PPP6R3: variants seen among roughly 807,000 people sequenced by gnomAD.
PPP6R3 encodes serine/threonine-protein phosphatase 6 regulatory subunit 3.
A neutral mutation model predicts 110.7 loss-of-function variants in PPP6R3; 38 were observed. That is an observed-to-expected ratio of 0.34 (90% CI 0.26 to 0.45). The LOEUF (loss-of-function observed/expected upper bound fraction) is 0.45. Ranked by LOEUF, PPP6R3 falls within the 20% of genes least tolerant of loss-of-function variation. PPP6R3 has a pLI of 1.00. For missense variants in PPP6R3, 870 were observed against 1,062.4 expected, an observed-to-expected ratio of 0.82 and a Z score of 2.52; for synonymous variants, 369 against 373.5, an observed-to-expected ratio of 0.99 and a Z score of 0.14.
chr11:68,537,609 T>A, intron 2 of PPP6R3, 50 bp from the exon 3 acceptor site: 1 of 1,246,960 alleles, frequency 8.0e-7, no homozygotes. Flanking sequence ...TTATGGAAAA[T>A]TAATTTGTAA....
intron 1 of PPP6R3, among the ~76,000 whole-genome samples, chr11:68,477,184 C>T (rs944175648): frequency 2.6e-5 from 4 of 152,054 alleles, no homozygotes; most frequent in South Asian, 2.1e-4. Flanking sequence ...TGAGGCTTTT[C>T]CATCTCTGTT....
At chr11:68,466,438 T>TC (rs1200032562) in intron 1 of PPP6R3, among the ~76,000 whole-genome samples, 3 of 148,936 alleles carry the variant, frequency 2.0e-5, no homozygotes, top group African/African-American at 7.4e-5. Context: ...ATTTTCTTTT[T>TC]TTTTTTTTTT....
intron 15 of PPP6R3, among the ~76,000 whole-genome samples, chr11:68,584,107 G>A (rs1364028347): frequency 6.6e-6 from 1 of 152,196 alleles, no homozygotes; most frequent in African/African-American, 2.4e-5. Context: ...TAGCATTTCA[G>A]CATTTGGCTG....
Position 68,514,736 on chromosome 11 carries a change from C to T in PPP6R3, c.-157-4765C>T, listed in dbSNP as rs551485705. Reference sequence around the variant, plus strand: ...AGTAGCTGGGATTACAGGTGTGCACCGCCACGCCCAGCTAATTTTTGTATT... The same window carrying T: ...AGTAGCTGGGATTACAGGTGTGCACTGCCACGCCCAGCTAATTTTTGTATT... On this transcript the variant is annotated intron_variant, in intron 1 of 23. Coordinates refer to ENST00000393800, the MANE Select transcript of PPP6R3 (RefSeq NM_001164161.2). 5.9e-5 allele frequency among the ~76,000 whole-genome samples: 9 copies of T among 152,148 alleles called. No individual in the cohort carries two copies. The South Asian group carries it at 6.2e-4, about 11-fold the overall frequency.
intron 1 of PPP6R3, among the ~76,000 whole-genome samples, chr11:68,477,432 C>T (rs1169173897): frequency 6.6e-6 from 1 of 151,788 alleles, no homozygotes; most frequent in Non-Finnish European, 1.5e-5. Context: ...GTATTAAATT[C>T]ATTTTCATCC....
At chr11:68,594,367 TTAA>T (rs1261554061) in intron 18 of PPP6R3, among the ~76,000 whole-genome samples, 1 of 119,382 alleles carries the variant, frequency 8.4e-6, no homozygotes, top group Non-Finnish European at 1.7e-5. Context: ...AGAGAGTGAG[TTAA>T]ATATGACTGG....
At chr11:68,509,748 T>TTG (rs2099098709) in intron 1 of PPP6R3, among the ~76,000 whole-genome samples, 1 of 135,740 alleles carries the variant, frequency 7.4e-6, no homozygotes, top group African/African-American at 2.9e-5. Flanking sequence ...TGGCTAATTT[T>TTG]TTTTTTTTTT....
At position 68,596,202 on chromosome 11, in the gene PPP6R3, G is replaced by A. The variant is rs776970667; in HGVS notation, c.2022G>A (p.Glu674=). ...GTGCCAACACGGAGGATAAAATGGA[G>A]GTGGACCTGAGTGAACGTAAGTGGA... The part of the protein sequence containing the change: ...PSSANTEDKM[E]VDLSEPPNWS... Residue 674 remains glutamate (E), a synonymous_variant, in exon 19 of 24, where the codon GAG becomes GAA. Transcript: ENST00000393800. 1 of 1,614,216 alleles carries A rather than the reference G, an allele frequency of 6.2e-7. No individual in the cohort carries two copies. The highest frequency in any genetic ancestry group is 8.5e-7 in the Non-Finnish European group (1 of 1,180,032).
At chr11:68,591,210 C>T (rs2099594279) in intron 17 of PPP6R3, among the ~76,000 whole-genome samples, 1 of 152,122 alleles carries the variant, frequency 6.6e-6, no homozygotes, top group South Asian at 2.1e-4. Flanking sequence ...TGAAGGTTAT[C>T]ACTGCTCAGC....
chr11:68,529,736 G>A (rs1347739096), intron 2 of PPP6R3, among the ~76,000 whole-genome samples: 1 of 152,170 alleles, frequency 6.6e-6, no homozygotes, highest in African/African-American at 2.4e-5. Context: ...TGCCCAAGTT[G>A]TTACATTTCA....
At chr11:68,535,935 C>G (rs1001067093) in intron 2 of PPP6R3, among the ~76,000 whole-genome samples, 10 of 152,010 alleles carry the variant, frequency 6.6e-5, no homozygotes, top group African/African-American at 2.2e-4. Flanking sequence ...CCACTGCACT[C>G]CAGCCTGGGT....
chr11:68,479,997 G>T (rs1398000804), intron 1 of PPP6R3, among the ~76,000 whole-genome samples: 1 of 151,890 alleles, frequency 6.6e-6, no homozygotes, highest in African/African-American at 2.4e-5. Flanking sequence ...CTCCCAAAGT[G>T]CTGGGATTAC....
At chr11:68,469,866 C>A in intron 1 of PPP6R3, among the ~76,000 whole-genome samples, 1 of 152,164 alleles carries the variant, frequency 6.6e-6, no homozygotes. Flanking sequence ...TTCTGACCTC[C>A]CCAAGGCAAA....
At chr11:68,603,915 A>G (rs1358302738) in intron 22 of PPP6R3, among the ~76,000 whole-genome samples, 1 of 152,258 alleles carries the variant, frequency 6.6e-6, no homozygotes, top group Non-Finnish European at 1.5e-5. Flanking sequence ...ATTCAGTAGC[A>G]AAATGATAGC....
At chr11:68,483,050 A>G (rs573141421) in intron 1 of PPP6R3, among the ~76,000 whole-genome samples, 85 of 152,316 alleles carry the variant, frequency 5.6e-4, no homozygotes, top group African/African-American at 2.0e-3. Context: ...TTTTAGTTCA[A>G]TGTAATAAAG....
chr11:68,608,928 C>T (rs1941872364), intron 22 of PPP6R3, among the ~76,000 whole-genome samples: 1 of 152,126 alleles, frequency 6.6e-6, no homozygotes, highest in South Asian at 2.1e-4. Context: ...TTCAGATGAT[C>T]ACTAAATCAT....
chr11:68,600,262 A>G, intron 19 of PPP6R3, 79 bp from the exon 20 acceptor site: 3 of 1,471,392 alleles, frequency 2.0e-6, no homozygotes, highest in Non-Finnish European at 2.8e-6. Flanking sequence ...CTCTTTTGCT[A>G]ATGTGTTTTT....
intron 1 of PPP6R3, among the ~76,000 whole-genome samples, chr11:68,463,344 A>G (rs2098721507): frequency 7.1e-6 from 1 of 140,354 alleles, no homozygotes; most frequent in African/African-American, 2.8e-5. Flanking sequence ...ACAGAGCGAG[A>G]CTCAGTCTCA....
At chr11:68,525,735 T>C (rs1467401338) in intron 2 of PPP6R3, among the ~76,000 whole-genome samples, 2 of 152,228 alleles carry the variant, frequency 1.3e-5, no homozygotes, top group Non-Finnish European at 1.5e-5. Context: ...GAAGACTGCT[T>C]CTTTTTGACC....
Sources: allele counts gnomAD v4.1 joint callset (sites outside exome capture counted in the v4.1 genomes callset), GRCh38; gene constraint gnomAD v4.1.1; transcripts MANE v1.5; gene names NCBI Gene and HGNC (gene_info 2026-07-23, HGNC 2026-07-21).